The following TBCEL variants were observed in gnomAD, a reference collection of about 807,000 sequenced individuals.
The protein encoded by TBCEL is tubulin folding cofactor E like.
In TBCEL, 15 loss-of-function variants were observed where a neutral mutation model predicts 44.2. The ratio of observed to expected loss-of-function variants is 0.34; its 90% CI spans 0.23 to 0.52. The LOEUF (loss-of-function observed/expected upper bound fraction) is 0.52, where lower values mean the gene tolerates loss of function less well. Among genes scored for constraint, TBCEL ranks in the 20% least tolerant of loss-of-function variants. The pLI, the probability that TBCEL is intolerant of heterozygous loss-of-function variation, is 0.95. For synonymous variants in TBCEL, 171 were observed against 185.4 expected (o/e 0.92, Z 0.63); for missense variants, 319 against 506.3 (o/e 0.63, Z 3.55).
intron 6 of TBCEL, among the ~76,000 whole-genome samples, chr11:121,056,950 G>A (rs1591398642): frequency 6.6e-6 from 1 of 151,702 alleles, no homozygotes; most frequent in South Asian, 2.1e-4. Context: ...TTCTCTTGAT[G>A]TTGTCTTTTA....
chr11:121,035,641 G>A (rs761334506), intron 1 of TBCEL: 1 of 152,120 alleles, frequency 6.6e-6, no homozygotes, highest in Non-Finnish European at 1.5e-5. Flanking sequence ...TCCTTAACAT[G>A]ATGGCTTCTG....
chr11:121,082,513 A>G (rs1946144199), intron 8 of TBCEL, among the ~76,000 whole-genome samples: 1 of 152,222 alleles, frequency 6.6e-6, no homozygotes, highest in East Asian at 1.9e-4. Flanking sequence ...TCTGCTTACC[A>G]CAATCATGTT....
chr11:121,046,997 A>G (rs1945442572), intron 3 of TBCEL, among the ~76,000 whole-genome samples: 1 of 152,050 alleles, frequency 6.6e-6, no homozygotes, highest in Non-Finnish European at 1.5e-5. Flanking sequence ...GGATCCACTT[A>G]AGTGAGGAAG....
Position 121,066,598 on chromosome 11 carries a change from C to T in TBCEL, c.956+6513C>T, listed in dbSNP as rs554782789. The stretch of plus-strand genomic sequence containing the variant: ...ATGTCTTTTGAGCCCTTGCAGTATG[C>T]CAGGAACTGTTAGGCTTTTAAAAAG... On this transcript the variant is annotated intron_variant, in intron 8 of 8. Coordinates refer to ENST00000683345, the MANE Select transcript of TBCEL (RefSeq NM_001363644.2). Among the ~76,000 whole-genome samples, 10 of 152,314 alleles carry T rather than the reference C, an allele frequency of 6.6e-5. No individual in the cohort carries two copies. The South Asian group carries it at 2.1e-3, about 32-fold the overall frequency.
chr11:121,058,265 T>G, intron 6 of TBCEL, 80 bp from the exon 7 acceptor site: 2 of 1,471,102 alleles, frequency 1.4e-6, no homozygotes, highest in Non-Finnish European at 1.9e-6. Context: ...AGTTACTAAT[T>G]GAGCTAATAT....
intron 2 of TBCEL, among the ~76,000 whole-genome samples, chr11:121,041,077 C>A (rs1945324242): frequency 6.6e-6 from 1 of 152,168 alleles, no homozygotes; most frequent in Non-Finnish European, 1.5e-5. Context: ...GTATACTACT[C>A]TACGCTGTTT....
At position 121,059,332 on chromosome 11, in the gene TBCEL, CT is replaced by C. The variant is rs369298076; in HGVS notation, c.840-633del. Among the ~76,000 whole-genome samples the C allele has an allele frequency of 1.0e-3, 159 of 152,024 alleles. 1 individual carries two copies. Among genetic ancestry groups the C allele is most frequent in the African/African-American group, 3.4e-3 (140 of 41,518 alleles). On this transcript the variant is annotated intron_variant, in intron 7 of 8. Coordinates refer to ENST00000683345, the MANE Select transcript of TBCEL (RefSeq NM_001363644.2). ...TGTGCTTTATTTTCTTTACACAATT[CT>C]TTTGCAAATATAATAAGTTAATTCT...
At chr11:121,080,591 T>C (rs990881335) in intron 8 of TBCEL, among the ~76,000 whole-genome samples, 13 of 152,344 alleles carry the variant, frequency 8.5e-5, no homozygotes, top group Middle Eastern at 3.4e-3. Context: ...ATGTAAAATA[T>C]ATACTTTGTT....
At chr11:121,057,190 G>A (rs1002496310) in intron 6 of TBCEL, among the ~76,000 whole-genome samples, 4 of 151,754 alleles carry the variant, frequency 2.6e-5, no homozygotes, top group African/African-American at 9.7e-5. Context: ...GTGACTTGGG[G>A]TAGTTACACA....
rs1022261269 is a variant in TBCEL, at chr11:121,077,490, T to C, written c.957-9288T>C. Among the ~76,000 whole-genome samples, 6 of 152,252 alleles carry C rather than the reference T, an allele frequency of 3.9e-5. No homozygotes were observed. The East Asian group carries it at 5.8e-4, about 15-fold the overall frequency. On this transcript the variant is annotated intron_variant, in intron 8 of 8. Coordinates refer to ENST00000683345, the MANE Select transcript of TBCEL (RefSeq NM_001363644.2). Reference sequence around the variant, plus strand: ...TGGTCTGTGGTGATGTTCCCTCTTATAGTGCCAATATTGGCATCATCTTTT... The same window carrying C: ...TGGTCTGTGGTGATGTTCCCTCTTACAGTGCCAATATTGGCATCATCTTTT...
intron 2 of TBCEL, among the ~76,000 whole-genome samples, chr11:121,039,102 A>G (rs753801884): frequency 2.0e-5 from 3 of 152,188 alleles, no homozygotes; most frequent in Non-Finnish European, 4.4e-5. Context: ...AGACCAAGAA[A>G]GTCATGACCT....
intron 6 of TBCEL, 38 bp downstream of exon 6, chr11:121,055,346 A>G (rs1945600398): frequency 6.5e-7 from 1 of 1,531,802 alleles, no homozygotes; most frequent in Non-Finnish European, 8.8e-7. Flanking sequence ...CATGCAAATT[A>G]ACCTGAGCAT....
At chr11:121,058,603 C>CAGCT in intron 7 of TBCEL, 132 bp downstream of exon 7, 4 of 1,116,326 alleles carry the variant, frequency 3.6e-6, no homozygotes, top group Non-Finnish European at 3.9e-6. Context: ...GAGGGAGCTG[C>CAGCT]CCCTGTAGCT....
At chr11:121,064,678 T>C (rs1945785751) in intron 8 of TBCEL, among the ~76,000 whole-genome samples, 1 of 152,176 alleles carries the variant, frequency 6.6e-6, no homozygotes, top group Admixed American at 6.5e-5. Context: ...TTTTCAGATA[T>C]ATGGGTGCTC....
intron 8 of TBCEL, among the ~76,000 whole-genome samples, chr11:121,085,932 CTTAA>C (rs753037509): frequency 2.0e-5 from 3 of 152,188 alleles, no homozygotes; most frequent in Non-Finnish European, 2.9e-5. Flanking sequence ...TATTCTGATC[CTTAA>C]TTAAAGTGAC....
At chr11:121,053,305 T>C (rs2134943415) in intron 4 of TBCEL, among the ~76,000 whole-genome samples, 1 of 152,040 alleles carries the variant, frequency 6.6e-6, no homozygotes, top group South Asian at 2.1e-4. Context: ...GAAATCTTCC[T>C]TTTTACCATT....
intron 1 of TBCEL, among the ~76,000 whole-genome samples, chr11:121,028,647 C>A (rs948750007): frequency 1.3e-5 from 2 of 152,174 alleles, no homozygotes; most frequent in African/African-American, 2.4e-5. Context: ...AATAAACTTA[C>A]AATAGATTTT....
At chr11:121,068,069 C>T (rs567027477) in intron 8 of TBCEL, among the ~76,000 whole-genome samples, 7 of 152,282 alleles carry the variant, frequency 4.6e-5, no homozygotes, top group South Asian at 2.1e-4. Context: ...TAGCCAGTCC[C>T]GAGGCTTTCA....
At chr11:121,084,515 T>G (rs557188839) in intron 8 of TBCEL, among the ~76,000 whole-genome samples, 2 of 152,318 alleles carry the variant, frequency 1.3e-5, no homozygotes, top group Non-Finnish European at 1.5e-5. Context: ...TGCTGTGATA[T>G]GCGCTCAGTT....
Sources: allele counts gnomAD v4.1 joint callset (sites outside exome capture counted in the v4.1 genomes callset), GRCh38; gene constraint gnomAD v4.1.1; transcripts MANE v1.5; gene names NCBI Gene and HGNC (gene_info 2026-07-23, HGNC 2026-07-21).